The following LIN9 variants were observed in gnomAD, a reference collection of about 807,000 sequenced individuals.
The protein encoded by LIN9 is protein lin-9 homolog.
In LIN9, 18 loss-of-function variants were observed where a neutral mutation model predicts 78.0. The ratio of observed to expected loss-of-function variants is 0.23; its 90% CI spans 0.16 to 0.34. The LOEUF (loss-of-function observed/expected upper bound fraction) is 0.34. Among genes scored for constraint, LIN9 ranks in the 10% least tolerant of loss-of-function variants. LIN9 has a pLI of 1.00. For missense variants in LIN9, 451 were observed against 644.1 expected, an observed-to-expected ratio of 0.70 and a Z score of 3.25; for synonymous variants, 192 against 215.2, an observed-to-expected ratio of 0.89 and a Z score of 0.94.
intron 4 of LIN9, among the ~76,000 whole-genome samples, chr1:226,288,861 G>A (rs1234786755): frequency 6.6e-6 from 1 of 152,128 alleles, no homozygotes; most frequent in African/African-American, 2.4e-5. Context: ...TCCAATCCCA[G>A]TCAAAATGCC....
intron 12 of LIN9, among the ~76,000 whole-genome samples, chr1:226,234,415 A>G (rs1028228898): frequency 3.9e-5 from 6 of 152,214 alleles, no homozygotes; most frequent in Admixed American, 3.9e-4. Flanking sequence ...CCATACTGAC[A>G]TAACTTTTAT....
chr1:226,268,525 C>T (rs1660069077), intron 7 of LIN9, among the ~76,000 whole-genome samples: 1 of 152,142 alleles, frequency 6.6e-6, no homozygotes, highest in South Asian at 2.1e-4. Flanking sequence ...GCAAGGTTGG[C>T]CTTTGTCTGG....
rs562387352 is a variant in LIN9 at position 226,233,565 on chromosome 1, G to C, written c.1246-42C>G. On this transcript the variant is annotated intron_variant, in intron 12 of 14. Transcript: ENST00000681046. ...GAAGCATGAGACGCATGTTCGAGAA[G>C]CCATGATTATTTCTGTATGTGTTTG... 4.7e-6 allele frequency: 7 copies of C among 1,482,160 alleles called. No homozygotes were observed. In the South Asian group the frequency reaches 8.2e-5, roughly 17 times the overall value. 91.8% of individuals were successfully genotyped at this position (1,482,160 alleles called of 1,614,324 possible).
At chr1:226,290,188 C>T (rs1185390073) in intron 4 of LIN9, among the ~76,000 whole-genome samples, 5 of 151,934 alleles carry the variant, frequency 3.3e-5, no homozygotes, top group Non-Finnish European at 5.9e-5. Context: ...AAACTAGTAA[C>T]ACAATGACCC....
At chr1:226,273,187 T>G (rs1660415983) in intron 7 of LIN9, among the ~76,000 whole-genome samples, 1 of 152,110 alleles carries the variant, frequency 6.6e-6, no homozygotes, top group Non-Finnish European at 1.5e-5. Context: ...TATTTTCTAT[T>G]TATCCCATTT....
intron 12 of LIN9, among the ~76,000 whole-genome samples, chr1:226,235,968 A>G (rs1657679572): frequency 6.6e-6 from 1 of 151,946 alleles, no homozygotes; most frequent in Non-Finnish European, 1.5e-5. Context: ...GTATTTTCGT[A>G]TTTGCTTTTT....
chr1:226,298,792 G>A (rs1313201068), intron 2 of LIN9, among the ~76,000 whole-genome samples: 2 of 152,006 alleles, frequency 1.3e-5, no homozygotes, highest in African/African-American at 4.8e-5. Context: ...CCTGGGAGGC[G>A]AAGGTCGAAG....
At chr1:226,263,049 C>T (rs542730421) in intron 10 of LIN9, among the ~76,000 whole-genome samples, 21 of 152,220 alleles carry the variant, frequency 1.4e-4, no homozygotes, top group African/African-American at 4.8e-4. Flanking sequence ...AGGCTATATA[C>T]TGTATGACTT....
intron 7 of LIN9, among the ~76,000 whole-genome samples, chr1:226,270,439 A>T (rs1054899631): frequency 6.6e-6 from 1 of 152,208 alleles, no homozygotes; most frequent in Admixed American, 6.5e-5. Flanking sequence ...AAATTACTAG[A>T]CATGTAAAGA....
At chr1:226,233,223 T>C in intron 13 of LIN9, 30 bp from the exon 14 acceptor site, 1 of 1,548,608 alleles carries the variant, frequency 6.5e-7, no homozygotes, top group Non-Finnish European at 8.8e-7. Context: ...AAAATTTAAT[T>C]GCATTATAGC....
intron 6 of LIN9, among the ~76,000 whole-genome samples, chr1:226,285,695 AG>A (rs1392958943): frequency 6.6e-6 from 1 of 152,228 alleles, no homozygotes; most frequent in East Asian, 1.9e-4. Flanking sequence ...AGCAATTCTC[AG>A]GAAGTAACAT....
intron 1 of LIN9, among the ~76,000 whole-genome samples, chr1:226,304,359 T>C (rs1266954685): frequency 1.3e-5 from 2 of 152,176 alleles, no homozygotes; most frequent in African/African-American, 2.4e-5. Context: ...ATGACCCATC[T>C]GATGTGGAAA....
intron 12 of LIN9, among the ~76,000 whole-genome samples, chr1:226,237,613 C>CAGAGT: frequency 9.7e-6 from 1 of 103,600 alleles, no homozygotes; most frequent in Admixed American, 1.3e-4. Flanking sequence ...GCCTGGGCAA[C>CAGAGT]AAGGGCGAAA....
At chr1:226,304,718 T>C (rs923706018) in intron 1 of LIN9, among the ~76,000 whole-genome samples, 1 of 152,142 alleles carries the variant, frequency 6.6e-6, no homozygotes, top group Non-Finnish European at 1.5e-5. Context: ...GAGGGGTGAC[T>C]GTGCTTGCAT....
rs773142638 is a variant in LIN9, at chr1:226,287,647, T to C, written c.398+17A>G. ...TCTGATTCAAGTAATATTCATAATA[T>C]AAGCCATGATACATACTTATCTATA... On this transcript the variant is annotated intron_variant, in intron 5 of 14. Coordinates refer to ENST00000681046, the MANE Select transcript of LIN9 (RefSeq NM_001366245.2). The C allele has an allele frequency of 4.7e-6, 7 of 1,487,642 alleles. No homozygotes were observed. The South Asian group carries it at 7.6e-5, about 16-fold the overall frequency. The allele number at this position is 1,487,642 out of a possible 1,614,324, so 92.2% of individuals were successfully genotyped here. A position where few individuals can be genotyped will look rare whatever the true frequency, so the allele number is the denominator to read the frequency against.
At chr1:226,234,673 A>T (rs1657568074) in intron 12 of LIN9, among the ~76,000 whole-genome samples, 2 of 152,060 alleles carry the variant, frequency 1.3e-5, no homozygotes, top group South Asian at 4.1e-4. Flanking sequence ...AGAGACCAAG[A>T]TCTGGGTCTA....
intron 12 of LIN9, among the ~76,000 whole-genome samples, chr1:226,237,539 G>A (rs1558152189): frequency 6.6e-6 from 1 of 151,594 alleles, no homozygotes; most frequent in Non-Finnish European, 1.5e-5. Context: ...GGCTGAGGCA[G>A]GAGAATCACT....
intron 4 of LIN9, among the ~76,000 whole-genome samples, chr1:226,293,335 C>T (rs1661911719): frequency 6.6e-6 from 1 of 152,160 alleles, no homozygotes; most frequent in African/African-American, 2.4e-5. Context: ...GAGTGATGTG[C>T]TCAGGAAGGA....
intron 7 of LIN9, 63 bp from the exon 8 acceptor site, chr1:226,268,153 T>G (rs1015806500): frequency 7.4e-6 from 11 of 1,489,302 alleles, no homozygotes; most frequent in Non-Finnish European, 1.0e-5. Context: ...AATATAAAAC[T>G]GTTCCAAGCA....
Sources: allele counts gnomAD v4.1 joint callset (sites outside exome capture counted in the v4.1 genomes callset), GRCh38; gene constraint gnomAD v4.1.1; transcripts MANE v1.5; gene names NCBI Gene and HGNC (gene_info 2026-07-23, HGNC 2026-07-21).